The following ATP10B variants were observed in gnomAD, a reference collection of about 807,000 sequenced individuals.
The protein encoded by ATP10B is ATPase phospholipid transporting 10B (putative), also known as phospholipid-transporting ATPase VB.
Under a neutral mutation model 141.2 loss-of-function variants are expected in ATP10B, and 122 were observed. The observed-to-expected ratio is 0.86, with a 90% confidence interval of 0.75 to 1.00. The LOEUF (loss-of-function observed/expected upper bound fraction) is 1.00, where lower values mean the gene tolerates loss of function less well. Ranked by LOEUF, ATP10B falls within the 50% of genes least tolerant of loss-of-function variation. The probability of loss-of-function intolerance (pLI) is 0.00; values close to 1 mark genes in which losing one functional copy is unlikely to be tolerated. For missense variants in ATP10B, 1,876 were observed against 1,825.3 expected (o/e 1.03, Z -0.51); for synonymous variants, 685 against 692.0 (o/e 0.99, Z 0.16).
intron 3 of ATP10B, chr5:160,691,868 A>G (rs1158248626): frequency 6.6e-6 from 1 of 152,192 alleles, no homozygotes; most frequent in Non-Finnish European, 1.5e-5. Context: ...ATGTGACCAA[A>G]AGCAACCTTA....
intron 18 of ATP10B, among the ~76,000 whole-genome samples, chr5:160,610,873 G>C (rs1288321259): frequency 2.6e-5 from 4 of 152,168 alleles, no homozygotes. Flanking sequence ...TTCCGGATGA[G>C]AATTCTGAGG....
chr5:160,790,047 C>T (rs1477847516), intron 1 of ATP10B, among the ~76,000 whole-genome samples: 8 of 152,140 alleles, frequency 5.3e-5, no homozygotes, highest in Admixed American at 2.0e-4. Flanking sequence ...CTCTACAGTG[C>T]ACAAAGGAGA....
Position 160,638,296 on chromosome 5 carries a change from T to A in ATP10B, c.1001-1987A>T, listed in dbSNP as rs138062533. Among the ~76,000 whole-genome samples the A allele has an allele frequency of 2.1e-3, 317 of 152,288 alleles. 1 individual carries two copies. Among genetic ancestry groups the A allele is most frequent in the Admixed American group, 7.3e-3 (112 of 15,304 alleles). ...GGGAATCTGCCAAGCAGATTCTGGT[T>A]TCCCTGTGCCTTATCTTGTCCTGTG... On this transcript the variant is annotated intron_variant, in intron 10 of 25. Transcript: ENST00000327245.
chr5:160,658,595 G>C (rs1281095514), intron 7 of ATP10B, among the ~76,000 whole-genome samples: 1 of 152,166 alleles, frequency 6.6e-6, no homozygotes, highest in Non-Finnish European at 1.5e-5. Context: ...GAGTTAATTT[G>C]TCTAGGAATG....
intron 2 of ATP10B, among the ~76,000 whole-genome samples, chr5:160,758,122 T>C (rs868666997): frequency 6.6e-6 from 1 of 152,182 alleles, no homozygotes; most frequent in South Asian, 2.1e-4. Flanking sequence ...AGAATTAAGC[T>C]ATCTAGGGTG....
At chr5:160,812,550 G>C (rs1461695681) in intron 1 of ATP10B, among the ~76,000 whole-genome samples, 1 of 152,114 alleles carries the variant, frequency 6.6e-6, no homozygotes, top group South Asian at 2.1e-4. Flanking sequence ...TTTAAGAAGA[G>C]TTTGAAATAA....
intron 22 of ATP10B, 74 bp downstream of exon 22, chr5:160,598,696 T>C (rs1756901083): frequency 1.4e-6 from 2 of 1,383,742 alleles, no homozygotes; most frequent in Admixed American, 1.8e-5. Flanking sequence ...GCTCTTTCTC[T>C]GATGCCTCCA....
chr5:160,902,835 T>C, the ATP10B span, among the ~76,000 whole-genome samples: 1 of 152,170 alleles, frequency 6.6e-6, no homozygotes, highest in African/African-American at 2.4e-5. Flanking sequence ...TAGTAAGTGA[T>C]AGAGAAAACA....
intron 2 of ATP10B, among the ~76,000 whole-genome samples, chr5:160,736,000 A>T (rs1426326685): frequency 1.3e-5 from 2 of 152,220 alleles, no homozygotes; most frequent in African/African-American, 4.8e-5. Flanking sequence ...CATTACTAAG[A>T]GGGAAGTTTA....
At chr5:160,806,054 C>T (rs1772748338) in intron 1 of ATP10B, among the ~76,000 whole-genome samples, 1 of 152,152 alleles carries the variant, frequency 6.6e-6, no homozygotes, top group Non-Finnish European at 1.5e-5. Context: ...GTTCTCCCTT[C>T]CTCCACTTTT....
chr5:160,577,778 G>C (rs1755291230), intron 24 of ATP10B, among the ~76,000 whole-genome samples: 1 of 151,802 alleles, frequency 6.6e-6, no homozygotes, highest in African/African-American at 2.4e-5. Context: ...TAAATAACTT[G>C]TCAGAGAACA....
intron 3 of ATP10B, among the ~76,000 whole-genome samples, chr5:160,711,745 G>C (rs1229244868): frequency 3.3e-5 from 2 of 60,920 alleles, no homozygotes; most frequent in Non-Finnish European, 6.8e-5. Context: ...TATTGGCTGT[G>C]GGTTTGTCAT....
the ATP10B span, among the ~76,000 whole-genome samples, chr5:160,929,075 T>C: frequency 2.0e-5 from 3 of 152,258 alleles, no homozygotes; most frequent in Non-Finnish European, 4.4e-5. Flanking sequence ...TGAAAACAGC[T>C]TGTAGCCCCA....
At chr5:160,832,399 A>G (rs532858058) in intron 1 of ATP10B, among the ~76,000 whole-genome samples, 12 of 152,310 alleles carry the variant, frequency 7.9e-5, no homozygotes, top group African/African-American at 2.4e-4. Context: ...AGGTAGTTTT[A>G]TATGTACTAA....
At chr5:160,786,562 C>T (rs1263782969) in intron 1 of ATP10B, among the ~76,000 whole-genome samples, 2 of 152,160 alleles carry the variant, frequency 1.3e-5, no homozygotes, top group Admixed American at 1.3e-4. Context: ...CGGCTCCCTC[C>T]ATTCCATTCT....
the ATP10B span, among the ~76,000 whole-genome samples, chr5:160,884,579 T>C: frequency 6.6e-6 from 1 of 152,184 alleles, no homozygotes; most frequent in Non-Finnish European, 1.5e-5. Flanking sequence ...CTGTGGGAGA[T>C]ACCACAGCTC....
intron 19 of ATP10B, among the ~76,000 whole-genome samples, chr5:160,605,741 G>T (rs1054019674): frequency 6.6e-5 from 10 of 152,230 alleles, no homozygotes; most frequent in African/African-American, 2.4e-4. Context: ...AGGAGGAGAG[G>T]CTGGCACCAT....
At chr5:160,823,121 A>C (rs1317474115) in intron 1 of ATP10B, among the ~76,000 whole-genome samples, 1 of 150,004 alleles carries the variant, frequency 6.7e-6, no homozygotes, top group Non-Finnish European at 1.5e-5. Flanking sequence ...TGATTATTAC[A>C]CATTGCATGC....
rs150030764 is a variant in ATP10B, at chr5:160,778,780, C to T, written c.-331+6779G>A. On this transcript the variant is annotated intron_variant, in intron 2 of 25. Transcript: ENST00000327245. The stretch of plus-strand genomic sequence containing the variant: ...GTACGTTGTCAAAATATTTAGGAGA[C>T]CACTTTATCGACTAATTCCAGAGAG... 1.3e-4 allele frequency among the ~76,000 whole-genome samples: 20 copies of T among 152,232 alleles called. No homozygotes were observed. In the East Asian group the frequency reaches 3.7e-3, roughly 28 times the overall value.
Sources: allele counts gnomAD v4.1 joint callset (sites outside exome capture counted in the v4.1 genomes callset), GRCh38; gene constraint gnomAD v4.1.1; transcripts MANE v1.5; gene names NCBI Gene and HGNC (gene_info 2026-07-23, HGNC 2026-07-21).